Variants in FRMD4A observed in about 807,000 individuals in gnomAD.
FRMD4A encodes FERM domain-containing protein 4A.
A neutral mutation model predicts 129.1 loss-of-function variants in FRMD4A; 29 were observed. The observed-to-expected ratio is 0.22, with a 90% CI of 0.17 to 0.31. The LOEUF is 0.31. Ranked by LOEUF, FRMD4A falls within the 10% of genes least tolerant of loss-of-function variation. FRMD4A has a pLI of 1.00. For synonymous variants in FRMD4A, 634 were observed against 571.6 expected, an observed-to-expected ratio of 1.11 and a Z score of -1.56; for missense variants, 1,272 against 1,375.8, an observed-to-expected ratio of 0.92 and a Z score of 1.19.
intron 2 of FRMD4A, among the ~76,000 whole-genome samples, chr10:13,863,163 A>G (rs543146620): frequency 1.3e-5 from 2 of 152,316 alleles, no homozygotes; most frequent in East Asian, 3.9e-4. Flanking sequence ...TGTTCTTTTG[A>G]AAGTGAAGTG....
chr10:14,111,691 C>CA (rs1390736536), intron 2 of FRMD4A, among the ~76,000 whole-genome samples: 1 of 151,756 alleles, frequency 6.6e-6, no homozygotes, highest in African/African-American at 2.4e-5. Context: ...CGTCATGTAC[C>CA]AAAAAGAATA....
At chr10:13,804,785 C>G (rs998705056) in intron 4 of FRMD4A, among the ~76,000 whole-genome samples, 2 of 146,038 alleles carry the variant, frequency 1.4e-5, no homozygotes, top group Admixed American at 7.0e-5. Context: ...GTCTTGATCT[C>G]TTGACCTTGT....
chr10:13,768,613 A>G (rs1459227232), intron 6 of FRMD4A, among the ~76,000 whole-genome samples: 1 of 152,194 alleles, frequency 6.6e-6, no homozygotes, highest in East Asian at 1.9e-4. Context: ...ACCAGTTATC[A>G]CCACGTTTAT....
intron 2 of FRMD4A, among the ~76,000 whole-genome samples, chr10:14,234,243 G>A (rs1293833795): frequency 6.6e-6 from 1 of 151,624 alleles, no homozygotes; most frequent in Admixed American, 6.6e-5. Context: ...AAACCCATCA[G>A]TGGCTGAACC....
At chr10:14,199,704 C>A (rs1842577697) in intron 2 of FRMD4A, among the ~76,000 whole-genome samples, 1 of 152,000 alleles carries the variant, frequency 6.6e-6, no homozygotes, top group Non-Finnish European at 1.5e-5. Context: ...AGACATTTAC[C>A]TTTTATTCCT....
At chr10:13,678,619 C>T (rs180949881) in intron 15 of FRMD4A, among the ~76,000 whole-genome samples, 3 of 152,336 alleles carry the variant, frequency 2.0e-5, no homozygotes, top group East Asian at 3.9e-4. Context: ...CACGCACACA[C>T]GTCCTAGTAG....
At chr10:14,067,949 A>G (rs1006047732) in intron 2 of FRMD4A, among the ~76,000 whole-genome samples, 4 of 152,248 alleles carry the variant, frequency 2.6e-5, no homozygotes, top group East Asian at 1.9e-4. Flanking sequence ...CTAGGCATCA[A>G]AAATAACTAG....
intron 4 of FRMD4A, among the ~76,000 whole-genome samples, chr10:13,804,680 G>A (rs770220968): frequency 1.3e-5 from 2 of 150,874 alleles, no homozygotes; most frequent in Non-Finnish European, 3.0e-5. Context: ...AACTAGTTGG[G>A]ATTACAGGTG....
intron 9 of FRMD4A, among the ~76,000 whole-genome samples, chr10:13,743,386 G>A (rs779423337): frequency 1.3e-5 from 2 of 152,056 alleles, no homozygotes; most frequent in Non-Finnish European, 2.9e-5. Flanking sequence ...ACGTGACATG[G>A]GGTTTTGTGA....
intron 2 of FRMD4A, among the ~76,000 whole-genome samples, chr10:14,205,422 T>C (rs1220340677): frequency 6.6e-6 from 1 of 152,180 alleles, no homozygotes; most frequent in Non-Finnish European, 1.5e-5. Context: ...CTGATGCTGA[T>C]AGGATGCCTA....
At chr10:13,733,775 G>A (rs1323043235) in intron 12 of FRMD4A, among the ~76,000 whole-genome samples, 1 of 152,200 alleles carries the variant, frequency 6.6e-6, no homozygotes, top group African/African-American at 2.4e-5. Context: ...CATTTCTTAA[G>A]GAGGGCCCCA....
At chr10:14,034,541 A>G (rs1833407491) in intron 2 of FRMD4A, among the ~76,000 whole-genome samples, 1 of 152,120 alleles carries the variant, frequency 6.6e-6, no homozygotes, top group South Asian at 2.1e-4. Flanking sequence ...AGCTTCCACA[A>G]GACAACAGAT....
At chr10:13,966,186 A>T (rs923212104) in intron 2 of FRMD4A, among the ~76,000 whole-genome samples, 5 of 151,600 alleles carry the variant, frequency 3.3e-5, no homozygotes, top group East Asian at 3.9e-4. Flanking sequence ...TACCTGGCTA[A>T]TTTTTTTTGT....
chr10:14,115,678 T>C (rs1315902815), intron 2 of FRMD4A, among the ~76,000 whole-genome samples: 3 of 152,080 alleles, frequency 2.0e-5, no homozygotes, highest in Admixed American at 6.6e-5. Context: ...GAACTGGTGG[T>C]TAAAAAGAGC....
intron 2 of FRMD4A, among the ~76,000 whole-genome samples, chr10:13,874,833 G>GGA (rs1313307303): frequency 6.6e-6 from 1 of 152,146 alleles, no homozygotes; most frequent in Non-Finnish European, 1.5e-5. Context: ...TATGTGCCAG[G>GGA]GATCTTATTA....
At chr10:14,147,484 T>C (rs914130499) in intron 2 of FRMD4A, among the ~76,000 whole-genome samples, 10 of 152,122 alleles carry the variant, frequency 6.6e-5, no homozygotes, top group Non-Finnish European at 1.3e-4. Context: ...TAATATGTAA[T>C]GAAATAATTA....
intron 2 of FRMD4A, among the ~76,000 whole-genome samples, chr10:13,996,935 G>A (rs74929831): frequency 0.022 from 3,350 of 151,604 alleles, 135 homozygotes; most frequent in African/African-American, 0.076. Context: ...GACTCAGCTG[G>A]GTTATGAAGC....
At chr10:13,678,274 T>G (rs894278319) in intron 15 of FRMD4A, among the ~76,000 whole-genome samples, 4 of 152,190 alleles carry the variant, frequency 2.6e-5, no homozygotes, top group African/African-American at 9.7e-5. Flanking sequence ...TAATGCTGGT[T>G]GGCTCCGTTT....
chr10:13,979,364 C>A (rs970458293), intron 2 of FRMD4A, among the ~76,000 whole-genome samples: 2 of 152,086 alleles, frequency 1.3e-5, no homozygotes, highest in African/African-American at 4.8e-5. Context: ...ACTTCCTTTT[C>A]GCAGAGGACG....
Sources: allele counts gnomAD v4.1 joint callset (sites outside exome capture counted in the v4.1 genomes callset), GRCh38; gene constraint gnomAD v4.1.1; transcripts MANE v1.5; gene names NCBI Gene and HGNC (gene_info 2026-07-23, HGNC 2026-07-21).